Variants in TENM3 observed in about 807,000 individuals in gnomAD.
TENM3 encodes the protein teneurin transmembrane protein 3, also known as teneurin-3.
Under a neutral mutation model 255.1 loss-of-function variants are expected in TENM3, and 63 were observed. That is an observed-to-expected ratio of 0.25 (90% confidence interval 0.20 to 0.30). TENM3 has a LOEUF of 0.30. TENM3 is among the 10% of genes least tolerant of loss of function. TENM3 has a pLI of 1.00. For synonymous variants in TENM3, 1,306 were observed against 1,322.3 expected, an observed-to-expected ratio of 0.99 and a Z score of 0.27; for missense variants, 2,929 against 3,461.1, an observed-to-expected ratio of 0.85 and a Z score of 3.86.
chr4:181,841,991 T>C, the TENM3 span, among the ~76,000 whole-genome samples: 66 of 152,308 alleles, frequency 4.3e-4, no homozygotes, highest in African/African-American at 1.4e-3. Context: ...TATCTATATA[T>C]GTGGATTCTC....
chr4:182,132,419 G>A, the TENM3 span, among the ~76,000 whole-genome samples: 1 of 148,338 alleles, frequency 6.7e-6, no homozygotes, highest in Non-Finnish European at 1.5e-5. Flanking sequence ...GGAGGTGGAG[G>A]TTGCAGTGAG....
chr4:182,392,798 G>A (rs1049321252), intron 3 of TENM3, among the ~76,000 whole-genome samples: 1 of 152,216 alleles, frequency 6.6e-6, no homozygotes. Context: ...GGGGCTTCAG[G>A]TTGCAACGGT....
chr4:181,741,444 T>C, the TENM3 span, among the ~76,000 whole-genome samples: 2 of 152,140 alleles, frequency 1.3e-5, no homozygotes, highest in African/African-American at 4.8e-5. Context: ...GCTTCATTAG[T>C]CTCATATCTG....
the TENM3 span, among the ~76,000 whole-genome samples, chr4:181,627,241 A>G: frequency 1.3e-5 from 2 of 152,242 alleles, no homozygotes; most frequent in African/African-American, 4.8e-5. Flanking sequence ...GTATTTTACT[A>G]AAAGTATAAG....
the TENM3 span, among the ~76,000 whole-genome samples, chr4:181,946,175 T>C: frequency 6.6e-6 from 1 of 152,152 alleles, no homozygotes; most frequent in African/African-American, 2.4e-5. Flanking sequence ...TGAATATATC[T>C]CTAGAATATA....
At chr4:181,495,902 T>TAAAAA in the TENM3 span, among the ~76,000 whole-genome samples, 8 of 116,858 alleles carry the variant, frequency 6.8e-5, no homozygotes, top group Non-Finnish European at 1.0e-4. Context: ...AGAGACAAAT[T>TAAAAA]AAAAAAAAAA....
At chr4:181,572,792 G>A in the TENM3 span, among the ~76,000 whole-genome samples, 11 of 151,946 alleles carry the variant, frequency 7.2e-5, no homozygotes, top group Non-Finnish European at 1.5e-4. Context: ...AATTATTGTT[G>A]ACTGTAATCA....
chr4:182,748,528 T>G (rs1762163352), intron 19 of TENM3, among the ~76,000 whole-genome samples: 1 of 152,220 alleles, frequency 6.6e-6, no homozygotes, highest in African/African-American at 2.4e-5. Flanking sequence ...CTGTCAACTC[T>G]CTATGCTCAA....
the TENM3 span, among the ~76,000 whole-genome samples, chr4:181,572,595 AT>A: frequency 6.6e-6 from 1 of 151,842 alleles, no homozygotes; most frequent in Non-Finnish European, 1.5e-5. Flanking sequence ...TTTACTTTAT[AT>A]TTTTATTTTG....
chr4:182,095,047 G>C, the TENM3 span, among the ~76,000 whole-genome samples: 4 of 152,176 alleles, frequency 2.6e-5, no homozygotes, highest in Non-Finnish European at 5.9e-5. Flanking sequence ...CAAGGATGTG[G>C]AGAAAGAAGA....
At chr4:182,752,067 A>C in intron 20 of TENM3, 35 bp downstream of exon 20, 1 of 1,103,766 alleles carries the variant, frequency 9.1e-7, no homozygotes, top group Non-Finnish European at 1.2e-6. Flanking sequence ...ATTTCTTTTT[A>C]TTTATTAAAA....
the TENM3 span, among the ~76,000 whole-genome samples, chr4:182,092,787 G>A: frequency 1.3e-5 from 2 of 152,130 alleles, no homozygotes; most frequent in Non-Finnish European, 1.5e-5. Context: ...TCTTTAGTCA[G>A]TACAAAATAT....
At chr4:182,590,347 G>T (rs1189118812) in intron 3 of TENM3, among the ~76,000 whole-genome samples, 2 of 151,336 alleles carry the variant, frequency 1.3e-5, no homozygotes, top group Admixed American at 6.6e-5. Context: ...CATTAAAAAG[G>T]TTACAGAGGG....
the TENM3 span, chr4:182,079,890 G>A: frequency 6.6e-6 from 1 of 152,344 alleles, no homozygotes; most frequent in Non-Finnish European, 1.5e-5. Context: ...AGTCAGCGAG[G>A]AAAGCAAAAG....
chr4:182,162,853 C>T (rs977383888), intron 1 of TENM3, among the ~76,000 whole-genome samples: 7 of 152,270 alleles, frequency 4.6e-5, no homozygotes, highest in South Asian at 2.1e-4. Context: ...AGAGCCTTCG[C>T]GGCCTAATTC....
chr4:181,943,684 CTG>C, the TENM3 span, among the ~76,000 whole-genome samples: 1 of 152,168 alleles, frequency 6.6e-6, no homozygotes. Context: ...ATGCTGAAAA[CTG>C]TTGTTCCACA....
intron 1 of TENM3, among the ~76,000 whole-genome samples, chr4:182,186,301 G>A (rs1261253706): frequency 6.6e-6 from 1 of 152,046 alleles, no homozygotes; most frequent in Non-Finnish European, 1.5e-5. Flanking sequence ...GGTTGATGGG[G>A]CCAAGAGATG....
At chr4:181,986,126 C>T in the TENM3 span, among the ~76,000 whole-genome samples, 2 of 152,094 alleles carry the variant, frequency 1.3e-5, no homozygotes, top group Admixed American at 1.3e-4. Flanking sequence ...CAGGATGGCT[C>T]TGCCCACATC....
chr4:182,733,254 A>T (rs1760912016), intron 16 of TENM3, among the ~76,000 whole-genome samples: 1 of 152,236 alleles, frequency 6.6e-6, no homozygotes, highest in South Asian at 2.1e-4. Context: ...GAGTGGCAAA[A>T]AGGACAGCAG....
Sources: gnomAD v4.1 joint callset for allele counts (sites outside exome capture counted in the v4.1 genomes callset) on GRCh38, gnomAD v4.1.1 for gene constraint, MANE v1.5 for transcripts, NCBI Gene and HGNC (gene_info 2026-07-23, HGNC 2026-07-21) for gene names.